Variants in COL14A1 observed in about 807,000 individuals in gnomAD.
COL14A1 encodes the protein collagen type XIV alpha 1 chain, also known as collagen alpha-1(XIV) chain.
COL14A1 carries 136 observed loss-of-function variants against 230.3 expected under a neutral mutation model. The ratio of observed to expected loss-of-function variants is 0.59; its 90% CI spans 0.51 to 0.68. The LOEUF (loss-of-function observed/expected upper bound fraction) is 0.68. Ranked by LOEUF, COL14A1 falls within the 30% of genes least tolerant of loss-of-function variation. The probability of loss-of-function intolerance (pLI) is 0.00; values close to 1 mark genes in which losing one functional copy is unlikely to be tolerated. For missense variants in COL14A1, 1,976 were observed against 2,215.8 expected (o/e 0.89, Z 2.17); for synonymous variants, 792 against 784.1 (o/e 1.01, Z -0.17).
intron 40 of COL14A1, among the ~76,000 whole-genome samples, chr8:120,321,213 A>T (rs186430504): frequency 1.3e-5 from 2 of 152,344 alleles, no homozygotes; most frequent in African/African-American, 4.8e-5. Context: ...GATGAAGTAG[A>T]TACTGATGCT....
At chr8:120,162,352 A>G (rs1815706431) in intron 3 of COL14A1, 74 bp from the exon 4 acceptor site, 4 of 1,259,082 alleles carry the variant, frequency 3.2e-6, no homozygotes, top group Admixed American at 2.6e-5. Context: ...CATAATTGCT[A>G]ACTAATAAAG....
rs557968392 is a variant in COL14A1, at chr8:120,330,203, T to A, written c.4660-1938T>A. Among the ~76,000 whole-genome samples the A allele has an allele frequency of 3.9e-5, 6 of 152,238 alleles. No homozygotes were observed. In the East Asian group the frequency reaches 1.2e-3, roughly 29 times the overall value. On this transcript the variant is annotated intron_variant, in intron 40 of 47. Transcript: ENST00000297848. ...AGGCAGGAAAGGAAAACCACAAATA[T>A]TGGTGAGCCCACGCATCCCCTGCCT...
intron 2 of COL14A1, among the ~76,000 whole-genome samples, chr8:120,154,450 G>T (rs1586721934): frequency 6.6e-6 from 1 of 152,200 alleles, no homozygotes; most frequent in Non-Finnish European, 1.5e-5. Flanking sequence ...GAATAAAAAT[G>T]CCCCTACACT....
chr8:120,144,520 A>G (rs1815022952), intron 1 of COL14A1, among the ~76,000 whole-genome samples: 1 of 152,198 alleles, frequency 6.6e-6, no homozygotes, highest in African/African-American at 2.4e-5. Flanking sequence ...AAAAATTCTT[A>G]GTAAAAAGAC....
intron 1 of COL14A1, among the ~76,000 whole-genome samples, chr8:120,140,616 G>A (rs1329095472): frequency 4.6e-5 from 7 of 152,180 alleles, no homozygotes; most frequent in Non-Finnish European, 8.8e-5. Flanking sequence ...CAAGGTTTGT[G>A]TGTATATATG....
rs78590985 is a variant in COL14A1, at chr8:120,294,969, G to C, written c.4237-2542G>C. On this transcript the variant is annotated intron_variant, in intron 34 of 47. Coordinates refer to ENST00000297848, the MANE Select transcript of COL14A1 (RefSeq NM_021110.4). ...TTCATAAGGCAGAAGTCCAGTCAAA[G>C]GTTTGTAATGTAGACATTAGACTGT... Among the ~76,000 whole-genome samples the C allele has an allele frequency of 6.9e-3, 1,041 of 151,902 alleles. 13 individuals are homozygous for C. The highest frequency in any genetic ancestry group is 0.023 in the African/African-American group (951 of 41,514).
At chr8:120,332,080 G>C (rs1821888348) in intron 40 of COL14A1, 61 bp from the exon 41 acceptor site, 33 of 1,427,184 alleles carry the variant, frequency 2.3e-5, no homozygotes, top group Non-Finnish European at 2.9e-5. Context: ...AACTAAATGA[G>C]CCCATTCTGA....
At chr8:120,328,493 A>G (rs1007920934) in intron 40 of COL14A1, among the ~76,000 whole-genome samples, 3 of 152,016 alleles carry the variant, frequency 2.0e-5, no homozygotes, top group Admixed American at 2.0e-4. Flanking sequence ...CAGCCTCCCA[A>G]CATGCTGGGA....
intron 40 of COL14A1, among the ~76,000 whole-genome samples, chr8:120,321,010 TTTAA>T (rs1821420212): frequency 6.6e-6 from 1 of 152,170 alleles, no homozygotes; most frequent in South Asian, 2.1e-4. Flanking sequence ...GAGCCAGGAT[TTTAA>T]TCCATCTGCC....
intron 45 of COL14A1, among the ~76,000 whole-genome samples, chr8:120,348,183 GAAGCATATATA>G (rs779251185): frequency 2.9e-4 from 43 of 147,648 alleles, no homozygotes; most frequent in Non-Finnish European, 4.9e-4. Flanking sequence ...ATATATATAT[GAAGCATATATA>G]AAGCATATAT....
intron 8 of COL14A1, among the ~76,000 whole-genome samples, chr8:120,199,947 A>C (rs1181144403): frequency 6.8e-6 from 1 of 148,048 alleles, no homozygotes; most frequent in Non-Finnish European, 1.5e-5. Context: ...TTTTCAAGGA[A>C]ATACGATCCT....
chr8:120,327,187 A>G (rs1353798451), intron 40 of COL14A1, among the ~76,000 whole-genome samples: 2 of 152,192 alleles, frequency 1.3e-5, no homozygotes, highest in African/African-American at 2.4e-5. Context: ...TGGTGCCCTG[A>G]TTGGACCCCC....
chr8:120,344,142 C>T (rs1040064690), intron 44 of COL14A1, among the ~76,000 whole-genome samples: 4 of 152,302 alleles, frequency 2.6e-5, no homozygotes, highest in African/African-American at 9.6e-5. Context: ...TAGCAAGGCC[C>T]TGCCTGTCAA....
At chr8:120,157,352 A>G (rs909411732) in intron 2 of COL14A1, among the ~76,000 whole-genome samples, 1 of 152,328 alleles carries the variant, frequency 6.6e-6, no homozygotes, top group Non-Finnish European at 1.5e-5. Context: ...TTACCATAAT[A>G]TATCCGTAAT....
chr8:120,361,724 G>A (rs1481394596), intron 45 of COL14A1, among the ~76,000 whole-genome samples: 1 of 152,186 alleles, frequency 6.6e-6, no homozygotes, highest in Non-Finnish European at 1.5e-5. Flanking sequence ...TAAATCCTGG[G>A]AGTTCCTCAG....
intron 42 of COL14A1, among the ~76,000 whole-genome samples, chr8:120,333,785 C>CCGTA: frequency 6.6e-6 from 1 of 152,276 alleles, no homozygotes; most frequent in Non-Finnish European, 1.5e-5. Flanking sequence ...TAAAGGCCTC[C>CCGTA]CGTAGTCCTT....
intron 45 of COL14A1, among the ~76,000 whole-genome samples, chr8:120,362,468 C>G: frequency 6.6e-6 from 1 of 152,242 alleles, no homozygotes; most frequent in Middle Eastern, 3.4e-3. Context: ...TTCTTGAGTG[C>G]TTAATGTGTG....
intron 37 of COL14A1, among the ~76,000 whole-genome samples, chr8:120,311,826 G>A (rs779091073): frequency 6.6e-6 from 1 of 152,140 alleles, no homozygotes; most frequent in Non-Finnish European, 1.5e-5. Context: ...GCCAGGCGCG[G>A]TGGATCATGC....
chr8:120,271,855 T>C (rs985963472), intron 26 of COL14A1, among the ~76,000 whole-genome samples: 2 of 151,428 alleles, frequency 1.3e-5, no homozygotes, highest in African/African-American at 4.8e-5. Flanking sequence ...CAAGATCTGA[T>C]ATGTTTCAGA....
Sources: gnomAD v4.1 joint callset for allele counts (sites outside exome capture counted in the v4.1 genomes callset) on GRCh38, gnomAD v4.1.1 for gene constraint, MANE v1.5 for transcripts, NCBI Gene and HGNC (gene_info 2026-07-23, HGNC 2026-07-21) for gene names.